TNKS: variants seen among roughly 807,000 people sequenced by gnomAD.
TNKS encodes poly [ADP-ribose] polymerase tankyrase-1.
A neutral mutation model predicts 135.8 loss-of-function variants in TNKS; 72 were observed. That is an observed-to-expected ratio of 0.53 (90% confidence interval 0.44 to 0.64). TNKS has a LOEUF of 0.64. TNKS is among the 30% of genes least tolerant of loss of function. The probability of loss-of-function intolerance (pLI) is 0.00; values close to 1 mark genes in which losing one functional copy is unlikely to be tolerated. For synonymous variants in TNKS, 849 were observed against 649.3 expected (o/e 1.31, Z -4.68); for missense variants, 1,769 against 1,674.0 (o/e 1.06, Z -0.99).
At chr8:9,669,357 G>A (rs1181589086) in intron 3 of TNKS, among the ~76,000 whole-genome samples, 1 of 149,218 alleles carries the variant, frequency 6.7e-6, no homozygotes, top group Non-Finnish European at 1.5e-5. Flanking sequence ...AGCGGAGCTT[G>A]CAGTGAGCCG....
At chr8:9,707,420 G>A (rs1804102089) in intron 8 of TNKS, among the ~76,000 whole-genome samples, 1 of 152,080 alleles carries the variant, frequency 6.6e-6, no homozygotes. Flanking sequence ...ATGGGCTTAC[G>A]TTCTTGTGCC....
At chr8:9,587,427 T>C (rs1798425845) in intron 2 of TNKS, among the ~76,000 whole-genome samples, 1 of 147,572 alleles carries the variant, frequency 6.8e-6, no homozygotes, top group Non-Finnish European at 1.5e-5. Context: ...TCAAATGGAG[T>C]CTCGCTCTGT....
chr8:9,596,341 C>T (rs888194453), intron 2 of TNKS, among the ~76,000 whole-genome samples: 2 of 151,626 alleles, frequency 1.3e-5, no homozygotes, highest in Non-Finnish European at 2.9e-5. Flanking sequence ...GAGGTAGGTC[C>T]ATATTTGAGA....
At chr8:9,647,149 C>T (rs537718667) in intron 3 of TNKS, among the ~76,000 whole-genome samples, 1 of 152,104 alleles carries the variant, frequency 6.6e-6, no homozygotes, top group African/African-American at 2.4e-5. Flanking sequence ...AGCAACAACC[C>T]GCAAACACGC....
chr8:9,716,087 A>G (rs1804587002), intron 11 of TNKS, among the ~76,000 whole-genome samples: 1 of 152,200 alleles, frequency 6.6e-6, no homozygotes, highest in Non-Finnish European at 1.5e-5. Flanking sequence ...GTGAAACATG[A>G]AGGAATTTTT....
At chr8:9,776,517 G>C in intron 26 of TNKS, 133 bp from the exon 27 acceptor site, 2 of 703,426 alleles carry the variant, frequency 2.8e-6, no homozygotes, top group Non-Finnish European at 4.8e-6. Context: ...AAATTGTTCA[G>C]GCACCTATTA....
intron 1 of TNKS, among the ~76,000 whole-genome samples, chr8:9,559,121 C>T (rs1158910917): frequency 2.0e-5 from 3 of 152,126 alleles, no homozygotes; most frequent in Non-Finnish European, 4.4e-5. Context: ...TAATGGCAAG[C>T]AGCCCTTAAC....
intron 2 of TNKS, among the ~76,000 whole-genome samples, chr8:9,584,217 T>A (rs1377292069): frequency 6.6e-6 from 1 of 151,956 alleles, no homozygotes; most frequent in Non-Finnish European, 1.5e-5. Flanking sequence ...TATTTGTGAT[T>A]TTTTTCATTT....
At chr8:9,639,355 G>A (rs1800638398) in intron 3 of TNKS, among the ~76,000 whole-genome samples, 1 of 151,974 alleles carries the variant, frequency 6.6e-6, no homozygotes, top group Admixed American at 6.6e-5. Context: ...ACAGTTTATT[G>A]CCAGGATGTA....
chr8:9,758,431 T>C (rs1806959951), intron 20 of TNKS, among the ~76,000 whole-genome samples: 2 of 152,216 alleles, frequency 1.3e-5, no homozygotes, highest in African/African-American at 4.8e-5. Flanking sequence ...TCATATGCAT[T>C]CCTTTTGTGT....
intron 26 of TNKS, among the ~76,000 whole-genome samples, chr8:9,775,459 CTATATATA>C (rs59789406): frequency 0.1 from 8,392 of 80,286 alleles, 429 homozygotes; most frequent in East Asian, 0.21. Context: ...ATGAATGGTT[CTATATATA>C]TATATATATA....
intron 2 of TNKS, among the ~76,000 whole-genome samples, chr8:9,581,222 A>C (rs527355441): frequency 6.6e-6 from 1 of 152,340 alleles, no homozygotes; most frequent in East Asian, 1.9e-4. Context: ...AATGGTTAAG[A>C]TTATTCCTCC....
At chr8:9,662,612 G>T (rs559955075) in intron 3 of TNKS, among the ~76,000 whole-genome samples, 2 of 152,250 alleles carry the variant, frequency 1.3e-5, no homozygotes, top group South Asian at 2.1e-4. Context: ...GGGATAGGGG[G>T]AAGGGATAGC....
chr8:9,578,923 C>G (rs921973720), intron 1 of TNKS, among the ~76,000 whole-genome samples: 1 of 152,194 alleles, frequency 6.6e-6, no homozygotes, highest in African/African-American at 2.4e-5. Context: ...AATTTTACCA[C>G]TATACTAAAA....
intron 3 of TNKS, among the ~76,000 whole-genome samples, chr8:9,665,222 T>A (rs965332147): frequency 6.6e-6 from 1 of 152,206 alleles, no homozygotes; most frequent in African/African-American, 2.4e-5. Flanking sequence ...CAAACTAGCT[T>A]CAAAATATTT....
At chr8:9,652,832 A>G (rs999089921) in intron 3 of TNKS, among the ~76,000 whole-genome samples, 6 of 152,208 alleles carry the variant, frequency 3.9e-5, no homozygotes, top group African/African-American at 1.4e-4. Context: ...GAGCGACCAC[A>G]GAAGATAAAT....
chr8:9,690,364 G>A (rs529393202), intron 5 of TNKS, among the ~76,000 whole-genome samples: 85 of 152,180 alleles, frequency 5.6e-4, no homozygotes, highest in Admixed American at 1.8e-3. Context: ...ATTACCCTAT[G>A]GATTTCTTGT....
intron 15 of TNKS, among the ~76,000 whole-genome samples, chr8:9,734,467 TTACTC>T (rs66645639): frequency 0.59 from 88,618 of 151,298 alleles, 26,221 homozygotes; most frequent in Middle Eastern, 0.7. Context: ...CCAGTGTGTC[TTACTC>T]TACTCTCTTC....
chr8:9,734,854 C>T lies in TNKS; in HGVS notation c.2314-11C>T. ...AAAATACAAACCCCATTTGGTTTTT[C>T]TTCTTTGTAGCATGGAGCAGATCCA... On this transcript the variant is annotated splice_polypyrimidine_tract_variant and intron_variant, in intron 15 of 26. Transcript: ENST00000310430. 1.2e-6 allele frequency: 2 copies of T among 1,603,120 alleles called. No individual in the cohort carries two copies. Among genetic ancestry groups the T allele is most frequent in the Admixed American group, 1.7e-5 (1 of 58,028 alleles).
Sources: gnomAD v4.1 joint callset for allele counts (sites outside exome capture counted in the v4.1 genomes callset) on GRCh38, gnomAD v4.1.1 for gene constraint, MANE v1.5 for transcripts, NCBI Gene and HGNC (gene_info 2026-07-23, HGNC 2026-07-21) for gene names.